The following PAK2 variants were observed in gnomAD, a reference collection of about 807,000 sequenced individuals.
PAK2 encodes the protein p21 (RAC1) activated kinase 2, also known as serine/threonine-protein kinase PAK 2.
A neutral mutation model predicts 65.9 loss-of-function variants in PAK2; 21 were observed. The ratio of observed to expected loss-of-function variants is 0.32; its 90% CI spans 0.23 to 0.46. The LOEUF is 0.46. PAK2 is among the 20% of genes least tolerant of loss of function. The pLI is 1.00. For missense variants in PAK2, 324 were observed against 642.6 expected (o/e 0.50, Z 5.36); for synonymous variants, 204 against 219.7 (o/e 0.93, Z 0.63).
At chr3:196,811,333 C>CCT (rs1560113954) in intron 8 of PAK2, among the ~76,000 whole-genome samples, 1 of 11,346 alleles carries the variant, frequency 8.8e-5, no homozygotes, top group Non-Finnish European at 1.7e-4. Context: ...CTTCCCTTCC[C>CCT]TCCCTTCCCT....
At chr3:196,787,694 C>T (rs1714937735) in intron 2 of PAK2, among the ~76,000 whole-genome samples, 1 of 152,044 alleles carries the variant, frequency 6.6e-6, no homozygotes, top group Non-Finnish European at 1.5e-5. Context: ...AGCCTGTTTA[C>T]AGGGAAGTTT....
At position 196,774,923 on chromosome 3, in the gene PAK2, T is replaced by C. The variant is rs1714487264; in HGVS notation, c.-21-7703T>C. Among the ~76,000 whole-genome samples the C allele has an allele frequency of 2.0e-5, 3 of 152,244 alleles. No homozygotes were observed. The South Asian group carries it at 6.2e-4, about 31-fold the overall frequency. ...TTTTGTCATTACTTGTAATAGAAAC[T>C]ACTTTTGCACCAACCTAATAGAATT... is the stretch of plus-strand genomic sequence containing the variant. On this transcript the variant is annotated intron_variant, in intron 1 of 14. Transcript: ENST00000327134.
At chr3:196,748,123 ACT>A (rs1045707962) in intron 1 of PAK2, among the ~76,000 whole-genome samples, 22 of 150,366 alleles carry the variant, frequency 1.5e-4, no homozygotes, top group African/African-American at 5.0e-4. Context: ...GTTGAGTGTC[ACT>A]CTCTTATTTC....
intron 1 of PAK2, among the ~76,000 whole-genome samples, chr3:196,770,653 A>T (rs944590778): frequency 2.6e-5 from 4 of 152,026 alleles, no homozygotes; most frequent in Non-Finnish European, 5.9e-5. Context: ...GACAGAGTCC[A>T]GCTCTGTCTC....
intron 1 of PAK2, among the ~76,000 whole-genome samples, chr3:196,768,839 T>C (rs1285749633): frequency 6.6e-6 from 1 of 151,792 alleles, no homozygotes; most frequent in Non-Finnish European, 1.5e-5. Context: ...CTAATTTTTG[T>C]ATTTTTAGTG....
chr3:196,780,495 T>G (rs1714672892), intron 1 of PAK2, among the ~76,000 whole-genome samples: 1 of 152,162 alleles, frequency 6.6e-6, no homozygotes, highest in African/African-American at 2.4e-5. Context: ...TGAGATGTAC[T>G]CCCTATCAGG....
chr3:196,790,653 C>A (rs1161592595), intron 2 of PAK2, among the ~76,000 whole-genome samples: 1 of 152,214 alleles, frequency 6.6e-6, no homozygotes, highest in Non-Finnish European at 1.5e-5. Context: ...GAATAACTTA[C>A]ACTGACACAG....
chr3:196,762,518 AACCTCGTCTCC>A (rs1714013926), intron 1 of PAK2, among the ~76,000 whole-genome samples: 1 of 151,162 alleles, frequency 6.6e-6, no homozygotes, highest in Admixed American at 6.6e-5. Context: ...AACACAGCGA[AACCTCGTCTCC>A]ACCAAAACCA....
intron 12 of PAK2, among the ~76,000 whole-genome samples, chr3:196,819,202 G>T (rs541505958): frequency 6.6e-6 from 1 of 152,320 alleles, no homozygotes; most frequent in South Asian, 2.1e-4. Flanking sequence ...AGCACTTTGG[G>T]AGGTCGAGGC....
At position 196,812,204 on chromosome 3, in the gene PAK2, GT is replaced by G; in HGVS notation, c.774-11del. 1 of 1,508,694 alleles carries G rather than the reference GT, an allele frequency of 6.6e-7. No homozygotes were observed. Among genetic ancestry groups the G allele is most frequent in the Non-Finnish European group, 9.2e-7 (1 of 1,084,348 alleles). The allele number at this position is 1,508,694 out of a possible 1,614,324, so 93.5% of individuals were successfully genotyped here. On this transcript the variant is annotated splice_polypyrimidine_tract_variant and intron_variant, in intron 8 of 14. Coordinates refer to ENST00000327134, the MANE Select transcript of PAK2 (RefSeq NM_002577.4). Reference sequence around the variant, plus strand: ...TTATCAACCTTAAATCTGGTTGTGTGTTTTCTCCCTCTAGGGCTTCTGGTAC... The same window carrying G: ...TTATCAACCTTAAATCTGGTTGTGTGTTTCTCCCTCTAGGGCTTCTGGTAC...
Position 196,800,528 on chromosome 3 carries a change from G to A in PAK2, c.188-1399G>A, listed in dbSNP as rs909172264. 3.3e-5 allele frequency among the ~76,000 whole-genome samples: 5 copies of A among 152,222 alleles called. No homozygotes were observed. The East Asian group carries it at 9.6e-4, about 29-fold the overall frequency. On this transcript the variant is annotated intron_variant, in intron 2 of 14. Coordinates refer to ENST00000327134, the MANE Select transcript of PAK2 (RefSeq NM_002577.4). ...TTAATAGGGAAATGCAGAGGACCTC[G>A]ATTACCCAAACAGCTTTGACAAAAG...
intron 13 of PAK2, among the ~76,000 whole-genome samples, chr3:196,825,575 G>A (rs1240081132): frequency 6.7e-6 from 1 of 148,558 alleles, no homozygotes; most frequent in East Asian, 2.0e-4. Flanking sequence ...CTCAGGAGGT[G>A]AAGGTTGCAT....
At chr3:196,765,105 A>G (rs982849533) in intron 1 of PAK2, among the ~76,000 whole-genome samples, 20 of 148,970 alleles carry the variant, frequency 1.3e-4, no homozygotes, top group African/African-American at 4.5e-4. Context: ...CGGCCTCCCA[A>G]AGTGCTGGGA....
intron 2 of PAK2, among the ~76,000 whole-genome samples, chr3:196,785,308 G>T (rs1240040785): frequency 1.3e-5 from 2 of 152,126 alleles, no homozygotes; most frequent in African/African-American, 4.8e-5. Context: ...CTTGGTGTGG[G>T]TCCTGACCAA....
At chr3:196,815,208 T>C (rs1715969789) in intron 11 of PAK2, among the ~76,000 whole-genome samples, 1 of 147,484 alleles carries the variant, frequency 6.8e-6, no homozygotes, top group Admixed American at 6.8e-5. Context: ...ATACACCACT[T>C]AGCTGGAAGT....
chr3:196,818,179 A>G, intron 12 of PAK2, 23 bp downstream of exon 12: 1 of 857,724 alleles, frequency 1.2e-6, no homozygotes, highest in Non-Finnish European at 2.0e-6. Context: ...TGGACAATTC[A>G]CAATCATTTA....
chr3:196,826,996 A>G (rs2084385), intron 13 of PAK2, among the ~76,000 whole-genome samples, 200 bp from the exon 14 acceptor site: 134,117 of 152,130 alleles, frequency 0.88, 59,220 homozygotes, highest in East Asian at 1. Context: ...ATCTGATTTC[A>G]GAAAAGTAAC....
chr3:196,767,421 T>TG (rs11383923), intron 1 of PAK2, among the ~76,000 whole-genome samples: 96,083 of 151,886 alleles, frequency 0.63, 30,819 homozygotes, highest in East Asian at 0.7. Flanking sequence ...AAAAAATCAA[T>TG]TAATGCCCTG....
chr3:196,800,391 A>G (rs1214336377), intron 2 of PAK2, among the ~76,000 whole-genome samples: 1 of 152,086 alleles, frequency 6.6e-6, no homozygotes, highest in Non-Finnish European at 1.5e-5. Context: ...TAAAAAAGAA[A>G]AAGAAAGAAA....
Sources: gnomAD v4.1 joint callset for allele counts (sites outside exome capture counted in the v4.1 genomes callset) on GRCh38, gnomAD v4.1.1 for gene constraint, MANE v1.5 for transcripts, NCBI Gene and HGNC (gene_info 2026-07-23, HGNC 2026-07-21) for gene names.